The following PRIM2 variants were observed in gnomAD, a reference collection of about 807,000 sequenced individuals.
PRIM2 encodes the protein DNA primase subunit 2, also known as DNA primase large subunit.
A neutral mutation model predicts 67.3 loss-of-function variants in PRIM2; 39 were observed. That is an observed-to-expected ratio of 0.58 (90% CI 0.45 to 0.76). The LOEUF (loss-of-function observed/expected upper bound fraction) is 0.76, where lower values mean the gene tolerates loss of function less well. Ranked by LOEUF, PRIM2 falls within the 30% of genes least tolerant of loss-of-function variation. PRIM2 has a pLI of 0.00. For synonymous variants in PRIM2, 143 were observed against 198.7 expected, an observed-to-expected ratio of 0.72 and a Z score of 2.36; for missense variants, 398 against 598.7, an observed-to-expected ratio of 0.66 and a Z score of 3.50.
At chr6:57,467,594 G>T (rs1773236222) in intron 7 of PRIM2, among the ~76,000 whole-genome samples, 1 of 152,300 alleles carries the variant, frequency 6.6e-6, no homozygotes, top group South Asian at 2.1e-4. Flanking sequence ...GCTTAGGATT[G>T]TCTTGGCTGT....
chr6:57,525,135 A>G (rs1315651819), intron 8 of PRIM2, among the ~76,000 whole-genome samples: 1 of 151,932 alleles, frequency 6.6e-6, no homozygotes, highest in Admixed American at 6.6e-5. Context: ...CTTTTTAGAA[A>G]TTTTCTTGGC....
chr6:57,534,229 A>G (rs1774952240), intron 9 of PRIM2, among the ~76,000 whole-genome samples: 1 of 151,968 alleles, frequency 6.6e-6, no homozygotes, highest in Non-Finnish European at 1.5e-5. Flanking sequence ...TCTGCCTTCC[A>G]TTGTTACAGC....
At chr6:57,387,205 C>A (rs1770182565) in intron 7 of PRIM2, among the ~76,000 whole-genome samples, 1 of 152,060 alleles carries the variant, frequency 6.6e-6, no homozygotes, top group Non-Finnish European at 1.5e-5. Context: ...AATGTAAGTT[C>A]TTTGAGAGTG....
the PRIM2 span, among the ~76,000 whole-genome samples, chr6:57,262,187 C>T: frequency 2.0e-5 from 3 of 152,076 alleles, no homozygotes; most frequent in Admixed American, 1.3e-4. Context: ...GAGTTACTGG[C>T]TGGGAAAGTT....
chr6:57,572,141 C>T (rs1775875304), intron 10 of PRIM2, among the ~76,000 whole-genome samples: 1 of 152,156 alleles, frequency 6.6e-6, no homozygotes. Context: ...GTATAGCACC[C>T]TACAGTCTAT....
intron 7 of PRIM2, among the ~76,000 whole-genome samples, chr6:57,470,271 C>T (rs1329025174): frequency 6.6e-6 from 1 of 151,078 alleles, no homozygotes; most frequent in Non-Finnish European, 1.5e-5. Flanking sequence ...GTACTTGCAG[C>T]CTCTCCTCCT....
chr6:57,228,042 C>T, the PRIM2 span, among the ~76,000 whole-genome samples: 1 of 152,202 alleles, frequency 6.6e-6, no homozygotes, highest in Non-Finnish European at 1.5e-5. Flanking sequence ...TTTTTAACCA[C>T]TTCTACTCAA....
chr6:57,423,737 A>C (rs1771534391), intron 7 of PRIM2, among the ~76,000 whole-genome samples: 1 of 152,224 alleles, frequency 6.6e-6, no homozygotes, highest in Admixed American at 6.5e-5. Flanking sequence ...CTCTAATTGA[A>C]TACTAAAGGA....
upstream of PRIM2, among the ~76,000 whole-genome samples, chr6:57,316,955 C>T (rs1267367448): frequency 6.6e-6 from 1 of 152,236 alleles, no homozygotes; most frequent in Non-Finnish European, 1.5e-5. Context: ...AATTCAGCTG[C>T]GCGCTTCCTC....
At position 57,608,914 on chromosome 6, in the gene PRIM2, C is replaced by T. The variant is rs1490571359; in HGVS notation, c.1230+2457C>T. ...CTCTCTAACCAAGCAGAATTAAGTT[C>T]TCTTTCCTTTATACCATGACTCGAT... On this transcript the variant is annotated intron_variant, in intron 12 of 13. Transcript: ENST00000615550. 2.0e-5 allele frequency among the ~76,000 whole-genome samples: 3 copies of T among 152,150 alleles called. No individual in the cohort carries two copies. In the South Asian group the frequency reaches 6.2e-4, roughly 31 times the overall value.
At chr6:57,309,886 T>C (rs184774639), upstream of PRIM2, among the ~76,000 whole-genome samples, 27 of 152,316 alleles carry the variant, frequency 1.8e-4, no homozygotes, top group Admixed American at 1.0e-3. Flanking sequence ...TATCTCATTA[T>C]GGACTTCACG....
At chr6:57,580,020 A>G (rs1209963802) in intron 10 of PRIM2, among the ~76,000 whole-genome samples, 1 of 152,176 alleles carries the variant, frequency 6.6e-6, no homozygotes, top group Non-Finnish European at 1.5e-5. Context: ...AAATGTTTAT[A>G]TAAAAATATT....
intron 7 of PRIM2, among the ~76,000 whole-genome samples, chr6:57,457,628 C>T (rs1327174813): frequency 2.7e-3 from 412 of 152,248 alleles, no homozygotes; most frequent in Middle Eastern, 6.8e-3. Flanking sequence ...TTGCTATGAC[C>T]GTTGTAAAAG....
chr6:57,552,664 A>G (rs1394123573), intron 10 of PRIM2, among the ~76,000 whole-genome samples: 1 of 152,156 alleles, frequency 6.6e-6, no homozygotes, highest in Non-Finnish European at 1.5e-5. Flanking sequence ...TTGGACCTCA[A>G]GGCCTTTTAT....
chr6:57,251,566 G>A, the PRIM2 span, among the ~76,000 whole-genome samples: 1 of 152,124 alleles, frequency 6.6e-6, no homozygotes, highest in Non-Finnish European at 1.5e-5. Context: ...ATTTCCTTTG[G>A]TTCTATTAAC....
At chr6:57,278,762 T>C in the PRIM2 span, among the ~76,000 whole-genome samples, 5 of 151,570 alleles carry the variant, frequency 3.3e-5, no homozygotes, top group African/African-American at 4.9e-5. Flanking sequence ...AAGGGATCCA[T>C]GAAAGAGGAG....
At chr6:57,261,927 T>C in the PRIM2 span, among the ~76,000 whole-genome samples, 1 of 152,140 alleles carries the variant, frequency 6.6e-6, no homozygotes, top group Non-Finnish European at 1.5e-5. Flanking sequence ...CCTTGCTAAT[T>C]CCCTTAATTC....
intron 10 of PRIM2, among the ~76,000 whole-genome samples, chr6:57,559,581 T>C (rs1399929358): frequency 3.3e-5 from 5 of 152,176 alleles, no homozygotes; most frequent in African/African-American, 1.2e-4. Context: ...GAATAGTACA[T>C]AGGATACTTG....
At chr6:57,430,362 G>C (rs1771776243) in intron 7 of PRIM2, among the ~76,000 whole-genome samples, 2 of 151,598 alleles carry the variant, frequency 1.3e-5, no homozygotes, top group African/African-American at 4.8e-5. Flanking sequence ...GAAGACATTG[G>C]ATTAAAGGTT....
Sources: gnomAD v4.1 joint callset for allele counts (sites outside exome capture counted in the v4.1 genomes callset) on GRCh38, gnomAD v4.1.1 for gene constraint, MANE v1.5 for transcripts, NCBI Gene and HGNC (gene_info 2026-07-23, HGNC 2026-07-21) for gene names.